Variants in BLTP3B observed in about 807,000 individuals in gnomAD.
BLTP3B encodes UHRF1 (ICBP90) binding protein 1-like.
At chr12:100,126,056 A>T in the BLTP3B span, among the ~76,000 whole-genome samples, 1 of 152,198 alleles carries the variant, frequency 6.6e-6, no homozygotes, top group Non-Finnish European at 1.5e-5. Flanking sequence ...ACTTGAGCCC[A>T]GGGGTTTGAG....
At chr12:100,098,282 G>T in the BLTP3B span, 1 of 1,472,396 alleles carries the variant, frequency 6.8e-7, no homozygotes, top group South Asian at 1.4e-5. Flanking sequence ...CATGAGATGT[G>T]ATTTTTTTAA....
At chr12:100,061,873 G>C in the BLTP3B span, among the ~76,000 whole-genome samples, 1 of 152,124 alleles carries the variant, frequency 6.6e-6, no homozygotes, top group East Asian at 1.9e-4. Flanking sequence ...TTATTGCTAT[G>C]GGTTGAATTG....
the BLTP3B span, chr12:100,039,455 A>G: frequency 4.1e-5 from 34 of 822,092 alleles, no homozygotes; most frequent in South Asian, 7.4e-4. Context: ...CTCTAACCAT[A>G]GCACCTAGCA....
At chr12:100,047,609 G>A in the BLTP3B span, 3 of 1,612,844 alleles carry the variant, frequency 1.9e-6, no homozygotes, top group Non-Finnish European at 2.5e-6. Flanking sequence ...CTGGTTCAAG[G>A]GATACTGTAC....
At chr12:100,132,303 T>G in the BLTP3B span, among the ~76,000 whole-genome samples, 1 of 152,192 alleles carries the variant, frequency 6.6e-6, no homozygotes, top group Non-Finnish European at 1.5e-5. Flanking sequence ...GGTTTATTTG[T>G]CCCCACCAAA....
At chr12:100,048,075 G>A in the BLTP3B span, 1 of 1,613,150 alleles carries the variant, frequency 6.2e-7, no homozygotes, top group East Asian at 2.2e-5. Context: ...TTTCTATGTG[G>A]CACTGCAGAA....
the BLTP3B span, chr12:100,104,016 A>C: frequency 8.2e-7 from 1 of 1,224,172 alleles, no homozygotes. Context: ...AACAGTAATC[A>C]ATACAGGTGT....
chr12:100,112,272 A>T, the BLTP3B span, among the ~76,000 whole-genome samples: 1 of 152,170 alleles, frequency 6.6e-6, no homozygotes, highest in Non-Finnish European at 1.5e-5. Flanking sequence ...TGAGCCCAAG[A>T]GTTTGAGACC....
At chr12:100,086,372 A>AAGGG in the BLTP3B span, 2 of 439,828 alleles carry the variant, frequency 4.5e-6, no homozygotes, top group Admixed American at 3.7e-5. Context: ...GGAAAAAAAA[A>AAGGG]GGGGGGGGGG....
chr12:100,132,398 A>T, the BLTP3B span, among the ~76,000 whole-genome samples: 1 of 152,146 alleles, frequency 6.6e-6, no homozygotes, highest in African/African-American at 2.4e-5. Context: ...ATGGGGGCAG[A>T]TTCTTCATAA....
the BLTP3B span, among the ~76,000 whole-genome samples, chr12:100,042,120 G>A: frequency 6.6e-6 from 1 of 152,088 alleles, no homozygotes; most frequent in Admixed American, 6.6e-5. Flanking sequence ...GATCTAAATA[G>A]ATGGAAAAAA....
the BLTP3B span, chr12:100,084,797 T>G: frequency 1.2e-6 from 1 of 828,848 alleles, no homozygotes; most frequent in East Asian, 2.8e-5. Context: ...TTCACCTACA[T>G]GTAATTTCGA....
the BLTP3B span, among the ~76,000 whole-genome samples, chr12:100,136,820 A>C: frequency 1.8e-4 from 25 of 140,748 alleles, no homozygotes; most frequent in African/African-American, 3.9e-4. Flanking sequence ...CTTTTTTTTT[A>C]TTTTTTTTGA....
the BLTP3B span, among the ~76,000 whole-genome samples, chr12:100,052,748 A>G: frequency 2.0e-5 from 3 of 151,762 alleles, no homozygotes; most frequent in African/African-American, 7.3e-5. Context: ...ACAGTGGAAA[A>G]CAACATGATC....
chr12:100,058,067 G>A, the BLTP3B span: 1 of 1,589,138 alleles, frequency 6.3e-7, no homozygotes, highest in Admixed American at 1.9e-5. Flanking sequence ...TAACTGGGGG[G>A]GTCTCTTCTT....
the BLTP3B span, among the ~76,000 whole-genome samples, chr12:100,123,776 A>C: frequency 6.6e-6 from 1 of 151,966 alleles, no homozygotes; most frequent in Non-Finnish European, 1.5e-5. Context: ...TGCATTCTCA[A>C]TTTACACAGA....
the BLTP3B span, among the ~76,000 whole-genome samples, chr12:100,108,704 A>C: frequency 3.9e-5 from 6 of 152,322 alleles, no homozygotes; most frequent in South Asian, 1.0e-3. Context: ...GTACATATAC[A>C]CGATGGAGTA....
the BLTP3B span, among the ~76,000 whole-genome samples, chr12:100,087,654 G>A: frequency 1.3e-5 from 2 of 152,132 alleles, no homozygotes; most frequent in Non-Finnish European, 2.9e-5. Context: ...GCCACCAAAT[G>A]AGTTTTTCAC....
the BLTP3B span, among the ~76,000 whole-genome samples, chr12:100,076,402 T>C: frequency 6.7e-6 from 1 of 149,146 alleles, no homozygotes; most frequent in East Asian, 1.9e-4. Context: ...TTTTTTTTTT[T>C]TTTTTTTTGA....
Sources: gnomAD v4.1 joint callset for allele counts (sites outside exome capture counted in the v4.1 genomes callset) on GRCh38, gnomAD v4.1.1 for gene constraint, MANE v1.5 for transcripts, NCBI Gene and HGNC (gene_info 2026-07-23, HGNC 2026-07-21) for gene names.